KRABD5: variants seen among roughly 807,000 people sequenced by gnomAD.
KRABD5 encodes the protein KRAB domain containing 5, also known as KRAB domain-containing protein 5.
At chr16:31,738,731 T>C in the KRABD5 span, among the ~76,000 whole-genome samples, 20,270 of 152,088 alleles carry the variant, frequency 0.13, 1,779 homozygotes, top group South Asian at 0.32. Flanking sequence ...TGTTTTGGGT[T>C]TTGTATCTAT....
chr16:31,717,011 T>G, the KRABD5 span, among the ~76,000 whole-genome samples: 6 of 146,764 alleles, frequency 4.1e-5, no homozygotes, highest in Admixed American at 6.8e-5. Context: ...TTTTTTTTTT[T>G]TTTTTTTTTG....
the KRABD5 span, among the ~76,000 whole-genome samples, chr16:31,737,374 A>G: frequency 1.3e-5 from 2 of 152,240 alleles, no homozygotes; most frequent in Admixed American, 6.5e-5. Context: ...CAAAATCAAC[A>G]TAGAAATTTC....
chr16:31,746,196 G>A, the KRABD5 span, among the ~76,000 whole-genome samples: 1 of 152,084 alleles, frequency 6.6e-6, no homozygotes, highest in Non-Finnish European at 1.5e-5. Flanking sequence ...TAGTTGATGT[G>A]GTTTCTTCAC....
the KRABD5 span, among the ~76,000 whole-genome samples, chr16:31,726,712 A>T: frequency 1.5e-3 from 227 of 152,278 alleles, 1 homozygote; most frequent in East Asian, 4.6e-3. Context: ...GTGAGCCAAG[A>T]TCACGCCACT....
chr16:31,753,353 T>G, the KRABD5 span, among the ~76,000 whole-genome samples: 1 of 152,236 alleles, frequency 6.6e-6, no homozygotes, highest in Non-Finnish European at 1.5e-5. Context: ...CACCATTTTC[T>G]TCAGCACCAC....
chr16:31,742,814 C>A, the KRABD5 span, among the ~76,000 whole-genome samples: 1 of 152,152 alleles, frequency 6.6e-6, no homozygotes, highest in Non-Finnish European at 1.5e-5. Flanking sequence ...CACAGCCTGG[C>A]CAGCATCTGT....
the KRABD5 span, among the ~76,000 whole-genome samples, chr16:31,741,730 T>A: frequency 2.0e-5 from 3 of 152,158 alleles, no homozygotes; most frequent in Non-Finnish European, 4.4e-5. Flanking sequence ...TTTGTGAATA[T>A]CTTCTCCTGT....
chr16:31,754,414 G>C, the KRABD5 span: 1 of 631,194 alleles, frequency 1.6e-6, no homozygotes, highest in South Asian at 1.9e-5. Context: ...CCTTTAGGCA[G>C]GACTATACCC....
At chr16:31,754,106 TA>T in the KRABD5 span, 1 of 709,248 alleles carries the variant, frequency 1.4e-6, no homozygotes, top group Non-Finnish European at 2.5e-6. Flanking sequence ...GAAATTTGGA[TA>T]ATCCGAATAG....
At chr16:31,723,023 C>G in the KRABD5 span, among the ~76,000 whole-genome samples, 45 of 152,292 alleles carry the variant, frequency 3.0e-4, 1 homozygote, top group South Asian at 8.9e-3. Context: ...ATTGCCCACA[C>G]TTTAAAATCT....
At chr16:31,727,969 C>T in the KRABD5 span, among the ~76,000 whole-genome samples, 2 of 152,282 alleles carry the variant, frequency 1.3e-5, no homozygotes, top group African/African-American at 4.8e-5. Context: ...TCATGTTATT[C>T]TCCCATCTCC....
the KRABD5 span, among the ~76,000 whole-genome samples, chr16:31,740,987 C>T: frequency 6.6e-6 from 1 of 152,116 alleles, no homozygotes; most frequent in African/African-American, 2.4e-5. Flanking sequence ...TTTACTGCCC[C>T]CATGAGTCCC....
chr16:31,754,163 T>C, the KRABD5 span: 59 of 694,538 alleles, frequency 8.5e-5, no homozygotes, highest in African/African-American at 9.5e-4. Context: ...AATTAAAATA[T>C]AGAACTGGAG....
the KRABD5 span, among the ~76,000 whole-genome samples, chr16:31,722,449 C>T: frequency 6.6e-6 from 1 of 152,136 alleles, no homozygotes; most frequent in Admixed American, 6.5e-5. Context: ...ATTCTCTTTC[C>T]ACAGAGTTAG....
chr16:31,746,109 C>T, the KRABD5 span, among the ~76,000 whole-genome samples: 6 of 152,006 alleles, frequency 3.9e-5, no homozygotes, highest in African/African-American at 9.7e-5. Flanking sequence ...ACATTTAGCC[C>T]ATTTATATTT....
the KRABD5 span, among the ~76,000 whole-genome samples, chr16:31,723,796 C>T: frequency 6.6e-6 from 1 of 152,120 alleles, no homozygotes; most frequent in African/African-American, 2.4e-5. Flanking sequence ...GGATAGATGT[C>T]ACATATTTTC....
chr16:31,726,757 C>CA, the KRABD5 span, among the ~76,000 whole-genome samples: 1 of 151,646 alleles, frequency 6.6e-6, no homozygotes, highest in Non-Finnish European at 1.5e-5. Context: ...GACTCTGCCT[C>CA]AAAAAATATA....
the KRABD5 span, among the ~76,000 whole-genome samples, chr16:31,714,789 C>T: frequency 6.6e-6 from 1 of 152,130 alleles, no homozygotes. Flanking sequence ...GCAGGGGATT[C>T]ACAGGCGGAT....
the KRABD5 span, among the ~76,000 whole-genome samples, chr16:31,749,330 G>A: frequency 6.6e-6 from 1 of 152,218 alleles, no homozygotes; most frequent in East Asian, 1.9e-4. Flanking sequence ...GAAAAGCACA[G>A]CCTGGAGCTA....
Sources: allele counts gnomAD v4.1 joint callset (sites outside exome capture counted in the v4.1 genomes callset), GRCh38; gene constraint gnomAD v4.1.1; transcripts MANE v1.5; gene names NCBI Gene and HGNC (gene_info 2026-07-23, HGNC 2026-07-21).